Variants in NPAS3 observed in about 807,000 individuals in gnomAD.
NPAS3 encodes the protein neuronal PAS domain protein 3.
In NPAS3, 14 loss-of-function variants were observed where a neutral mutation model predicts 73.1. That is an observed-to-expected ratio of 0.19 (90% CI 0.13 to 0.30). The LOEUF (loss-of-function observed/expected upper bound fraction) is 0.30. Among genes scored for constraint, NPAS3 ranks in the 10% least tolerant of loss-of-function variants. The pLI, the probability that NPAS3 is intolerant of heterozygous loss-of-function variation, is 1.00. For missense variants in NPAS3, 1,096 were observed against 1,250.0 expected, an observed-to-expected ratio of 0.88 and a Z score of 1.86; for synonymous variants, 620 against 541.5, an observed-to-expected ratio of 1.14 and a Z score of -2.01.
intron 5 of NPAS3, among the ~76,000 whole-genome samples, chr14:33,566,476 G>T (rs1226606083): frequency 6.6e-6 from 1 of 151,830 alleles, no homozygotes; most frequent in East Asian, 1.9e-4. Flanking sequence ...TTCCAAATAG[G>T]CAAACACGCC....
intron 2 of NPAS3, among the ~76,000 whole-genome samples, chr14:33,121,632 G>C (rs1176335217): frequency 6.6e-6 from 1 of 152,118 alleles, no homozygotes; most frequent in Non-Finnish European, 1.5e-5. Flanking sequence ...ATCAGTCTCT[G>C]TCTCTCTGAC....
intron 2 of NPAS3, among the ~76,000 whole-genome samples, chr14:33,156,138 A>G (rs943252163): frequency 1.3e-5 from 2 of 152,190 alleles, no homozygotes; most frequent in Admixed American, 6.5e-5. Context: ...GAATCAAAAA[A>G]CAACACAATT....
chr14:33,360,726 A>G lies in NPAS3; in HGVS notation c.386-6460A>G, dbSNP rs139029626. Among the ~76,000 whole-genome samples, 985 of 152,296 alleles carry G rather than the reference A, an allele frequency of 6.5e-3. 13 individuals are homozygous for G. Among genetic ancestry groups the G allele is most frequent in the African/African-American group, 0.023 (949 of 41,578 alleles). ...TGTGTACTAACTACCATTTTTTAAAATTAGTAACAGCACTTTTGGAGTCTC... is the reference window on the plus strand; with the variant it reads ...TGTGTACTAACTACCATTTTTTAAAGTTAGTAACAGCACTTTTGGAGTCTC... On this transcript the variant is annotated intron_variant, in intron 3 of 11. Coordinates refer to ENST00000356141, the Ensembl canonical transcript of NPAS3.
At chr14:33,684,584 C>T (rs564010177) in intron 6 of NPAS3, among the ~76,000 whole-genome samples, 4 of 152,290 alleles carry the variant, frequency 2.6e-5, no homozygotes, top group South Asian at 2.1e-4. Context: ...AGGCATAAGC[C>T]GCCACACCCA....
chr14:33,219,622 G>C (rs985860098), intron 3 of NPAS3, among the ~76,000 whole-genome samples: 1 of 152,182 alleles, frequency 6.6e-6, no homozygotes, highest in African/African-American at 2.4e-5. Context: ...TGTGAATTAA[G>C]TAGGAGATGT....
chr14:33,620,786 C>G (rs60097073), intron 5 of NPAS3, among the ~76,000 whole-genome samples: 1 of 152,056 alleles, frequency 6.6e-6, no homozygotes, highest in South Asian at 2.1e-4. Context: ...TTGATTTACT[C>G]TATTTCAGCT....
intron 3 of NPAS3, among the ~76,000 whole-genome samples, chr14:33,266,555 A>T (rs2040826372): frequency 6.6e-6 from 1 of 152,194 alleles, no homozygotes; most frequent in Non-Finnish European, 1.5e-5. Context: ...ATACAATTTA[A>T]TTATTGCCTA....
chr14:33,686,089 AG>A (rs1235065267), intron 6 of NPAS3, among the ~76,000 whole-genome samples: 14 of 152,260 alleles, frequency 9.2e-5, no homozygotes, highest in African/African-American at 3.4e-4. Context: ...TAAAGAAATC[AG>A]TGAGCAGCTC....
chr14:33,402,747 G>A (rs17101013), intron 4 of NPAS3, among the ~76,000 whole-genome samples: 10,763 of 152,186 alleles, frequency 0.071, 446 homozygotes, highest in South Asian at 0.14. Flanking sequence ...TCCCTCAATG[G>A]GAATTTATCA....
chr14:33,572,007 T>C (rs925779293), intron 5 of NPAS3, among the ~76,000 whole-genome samples: 2 of 152,234 alleles, frequency 1.3e-5, no homozygotes, highest in African/African-American at 4.8e-5. Context: ...ACTTTCTTTT[T>C]CACAAGGGTA....
intron 4 of NPAS3, among the ~76,000 whole-genome samples, chr14:33,445,368 T>C (rs1169347933): frequency 6.6e-6 from 1 of 152,238 alleles, no homozygotes; most frequent in Non-Finnish European, 1.5e-5. Flanking sequence ...TGAAACTCAC[T>C]GTCTTCTACT....
rs192749387 is a variant in NPAS3 at position 33,324,287 on chromosome 14, C to T, written c.386-42899C>T. 5.8e-3 allele frequency among the ~76,000 whole-genome samples: 878 copies of T among 152,216 alleles called. 5 individuals are homozygous for T. The highest frequency in any genetic ancestry group is 9.8e-3 in the Non-Finnish European group (666 of 68,018). On this transcript the variant is annotated intron_variant, in intron 3 of 11. Coordinates refer to ENST00000356141, the Ensembl canonical transcript of NPAS3. ...ATAATCCAGGACTTGGGAATAAGGA[C>T]GAAAAGCTTCACATGATATTACTGC... is the stretch of plus-strand genomic sequence containing the variant.
At chr14:33,394,597 T>C (rs986319485) in intron 4 of NPAS3, among the ~76,000 whole-genome samples, 2 of 152,206 alleles carry the variant, frequency 1.3e-5, no homozygotes, top group Non-Finnish European at 2.9e-5. Context: ...TTTTTACTAA[T>C]TTTGTTGTTC....
At chr14:33,308,527 T>TATATATATATATACACACACACAC in intron 3 of NPAS3, among the ~76,000 whole-genome samples, 7 of 103,724 alleles carry the variant, frequency 6.7e-5, no homozygotes, top group African/African-American at 2.3e-4. Context: ...TATATATATA[T>TATATATATATATACACACACACAC]ACATACACAC....
intron 3 of NPAS3, among the ~76,000 whole-genome samples, chr14:33,288,522 A>C (rs2041969654): frequency 6.6e-6 from 1 of 152,058 alleles, no homozygotes; most frequent in Non-Finnish European, 1.5e-5. Context: ...AACCACATGC[A>C]TTGATATGGG....
intron 2 of NPAS3, among the ~76,000 whole-genome samples, chr14:33,182,562 A>G (rs951021047): frequency 2.6e-5 from 4 of 152,312 alleles, no homozygotes; most frequent in African/African-American, 9.6e-5. Flanking sequence ...TTGCTAGTAC[A>G]ATTTTATTAT....
chr14:33,468,465 T>C (rs1458001003), intron 4 of NPAS3, among the ~76,000 whole-genome samples: 1 of 152,226 alleles, frequency 6.6e-6, no homozygotes, highest in Non-Finnish European at 1.5e-5. Flanking sequence ...AAGAAATACA[T>C]TTATTCTTTG....
At chr14:33,276,854 A>G (rs2041359372) in intron 3 of NPAS3, among the ~76,000 whole-genome samples, 3 of 152,116 alleles carry the variant, frequency 2.0e-5, no homozygotes, top group Admixed American at 2.0e-4. Flanking sequence ...TGTTTCTTCT[A>G]AGGTAGAATT....
At chr14:33,293,670 G>T (rs1014612861) in intron 3 of NPAS3, among the ~76,000 whole-genome samples, 1 of 152,054 alleles carries the variant, frequency 6.6e-6, no homozygotes, top group African/African-American at 2.4e-5. Context: ...AAAGGGTGGA[G>T]GAAAGGATCT....
Sources: allele counts gnomAD v4.1 joint callset (sites outside exome capture counted in the v4.1 genomes callset), GRCh38; gene constraint gnomAD v4.1.1; transcripts MANE v1.5; gene names NCBI Gene and HGNC (gene_info 2026-07-23, HGNC 2026-07-21).